Variants in DOCK1 observed in about 807,000 individuals in gnomAD.
The protein encoded by DOCK1 is dedicator of cytokinesis 1.
DOCK1 carries 138 observed loss-of-function variants against 262.7 expected under a neutral mutation model. That is an observed-to-expected ratio of 0.53 (90% CI 0.46 to 0.61). The LOEUF (loss-of-function observed/expected upper bound fraction) is 0.61, where lower values mean the gene tolerates loss of function less well. DOCK1 is among the 20% of genes least tolerant of loss of function. The probability of loss-of-function intolerance (pLI) is 0.00; values close to 1 mark genes in which losing one functional copy is unlikely to be tolerated. For synonymous variants in DOCK1, 866 were observed against 867.4 expected (o/e 1.00, Z 0.03); for missense variants, 1,908 against 2,370.7 (o/e 0.80, Z 4.05).
intron 23 of DOCK1, among the ~76,000 whole-genome samples, chr10:127,070,186 T>C (rs2046134284): frequency 6.6e-6 from 1 of 151,688 alleles, no homozygotes; most frequent in Non-Finnish European, 1.5e-5. Context: ...AACTTGATTA[T>C]ATCTGAAAAA....
At chr10:127,215,332 G>A (rs891646977) in intron 27 of DOCK1, among the ~76,000 whole-genome samples, 1 of 152,106 alleles carries the variant, frequency 6.6e-6, no homozygotes, top group Non-Finnish European at 1.5e-5. Context: ...AGCATCCATG[G>A]AGCACTAGGG....
At chr10:127,151,911 A>T (rs2052528711) in intron 27 of DOCK1, among the ~76,000 whole-genome samples, 1 of 152,208 alleles carries the variant, frequency 6.6e-6, no homozygotes, top group South Asian at 2.1e-4. Context: ...TCCTTCAGAG[A>T]CTTATTCAGT....
chr10:127,353,789 G>A (rs919066294), intron 31 of DOCK1, among the ~76,000 whole-genome samples: 2 of 152,192 alleles, frequency 1.3e-5, no homozygotes, highest in African/African-American at 4.8e-5. Flanking sequence ...CAGGTGCTTA[G>A]GGCACCAGAG....
At chr10:126,949,447 C>G (rs1355734910) in intron 1 of DOCK1, among the ~76,000 whole-genome samples, 1 of 152,090 alleles carries the variant, frequency 6.6e-6, no homozygotes, top group Non-Finnish European at 1.5e-5. Flanking sequence ...ACATGGCAGT[C>G]CAAAGTGGGT....
intron 29 of DOCK1, among the ~76,000 whole-genome samples, chr10:127,282,249 T>C (rs985054623): frequency 7.1e-6 from 1 of 140,986 alleles, no homozygotes; most frequent in Non-Finnish European, 1.5e-5. Context: ...CTGTCTCTTT[T>C]CTCTCTCTCT....
intron 27 of DOCK1, among the ~76,000 whole-genome samples, chr10:127,225,467 A>G (rs1390071253): frequency 3.9e-5 from 6 of 152,214 alleles, no homozygotes; most frequent in Non-Finnish European, 8.8e-5. Context: ...GACACAACAT[A>G]GGTTGTAATG....
intron 16 of DOCK1, among the ~76,000 whole-genome samples, chr10:127,026,721 T>G (rs964938197): frequency 6.6e-6 from 1 of 152,198 alleles, no homozygotes; most frequent in African/African-American, 2.4e-5. Flanking sequence ...TCAGAAAAGT[T>G]ACTGAGCTGT....
intron 38 of DOCK1, among the ~76,000 whole-genome samples, chr10:127,400,260 G>A (rs1385061119): frequency 6.6e-6 from 1 of 152,002 alleles, no homozygotes; most frequent in African/African-American, 2.4e-5. Flanking sequence ...AAGTAAAACA[G>A]TGTTCTTAAG....
chr10:127,218,768 C>T (rs1353368110), intron 27 of DOCK1, among the ~76,000 whole-genome samples: 2 of 152,130 alleles, frequency 1.3e-5, no homozygotes, highest in Non-Finnish European at 2.9e-5. Flanking sequence ...AACAAAATTA[C>T]CTGAGACTGG....
At chr10:127,101,403 C>T (rs2048238146) in intron 23 of DOCK1, among the ~76,000 whole-genome samples, 1 of 152,162 alleles carries the variant, frequency 6.6e-6, no homozygotes, top group South Asian at 2.1e-4. Context: ...TGTCTTTGTT[C>T]TGTCACCCAG....
intron 27 of DOCK1, among the ~76,000 whole-genome samples, chr10:127,226,055 G>A (rs1392819956): frequency 2.0e-5 from 3 of 149,740 alleles, no homozygotes; most frequent in African/African-American, 7.4e-5. Flanking sequence ...TCCAGCCGGG[G>A]CGATAGTGCG....
chr10:127,054,799 C>G (rs2045022258), intron 22 of DOCK1, among the ~76,000 whole-genome samples: 1 of 152,204 alleles, frequency 6.6e-6, no homozygotes, highest in Non-Finnish European at 1.5e-5. Flanking sequence ...GACATTGACT[C>G]AGGCATTTGA....
intron 27 of DOCK1, among the ~76,000 whole-genome samples, chr10:127,158,966 G>A (rs1346754528): frequency 6.6e-6 from 1 of 152,004 alleles, no homozygotes; most frequent in Admixed American, 6.6e-5. Flanking sequence ...TTTATCCCAG[G>A]GACCAATTTG....
chr10:127,108,474 C>T (rs2048672411), intron 24 of DOCK1, among the ~76,000 whole-genome samples: 1 of 152,178 alleles, frequency 6.6e-6, no homozygotes, highest in Non-Finnish European at 1.5e-5. Flanking sequence ...GTAATCCCAG[C>T]TACTCAGGAG....
intron 43 of DOCK1, among the ~76,000 whole-genome samples, chr10:127,412,211 C>T (rs561939465): frequency 6.6e-6 from 1 of 152,292 alleles, no homozygotes; most frequent in South Asian, 2.1e-4. Flanking sequence ...ATCCCCCCGC[C>T]TCAGCCTCCC....
chr10:127,372,202 T>C (rs916688312), intron 33 of DOCK1, among the ~76,000 whole-genome samples: 2 of 152,196 alleles, frequency 1.3e-5, no homozygotes, highest in Non-Finnish European at 2.9e-5. Flanking sequence ...TCTGTAGCTG[T>C]GGCTTTGGGC....
At position 126,966,097 on chromosome 10, in the gene DOCK1, C is replaced by T. The variant is rs1404813128; in HGVS notation, c.47-4605C>T. 5.9e-4 allele frequency among the ~76,000 whole-genome samples: 90 copies of T among 152,162 alleles called. 6 individuals are homozygous for T. ...TAAGCTCAGTTTTTTTAGCTTCCAC[C>T]TATGAGTGAGAACATGTGGTGTTTA... On this transcript the variant is annotated intron_variant, in intron 1 of 51. Coordinates refer to ENST00000623213, the MANE Select transcript of DOCK1 (RefSeq NM_001290223.2).
At chr10:127,196,519 C>T (rs551743183) in intron 27 of DOCK1, among the ~76,000 whole-genome samples, 1 of 147,994 alleles carries the variant, frequency 6.8e-6, no homozygotes, top group African/African-American at 2.4e-5. Context: ...GCCGGGCGGC[C>T]AGAGGCGAGG....
At chr10:127,364,610 C>T (rs922694963) in intron 33 of DOCK1, among the ~76,000 whole-genome samples, 17 of 152,178 alleles carry the variant, frequency 1.1e-4, no homozygotes, top group African/African-American at 3.1e-4. Context: ...ATGATCCACT[C>T]GCCTCAGCCT....
Sources: gnomAD v4.1 joint callset for allele counts (sites outside exome capture counted in the v4.1 genomes callset) on GRCh38, gnomAD v4.1.1 for gene constraint, MANE v1.5 for transcripts, NCBI Gene and HGNC (gene_info 2026-07-23, HGNC 2026-07-21) for gene names.